The following TRPM2 variants were observed in gnomAD, a reference collection of about 807,000 sequenced individuals.
The protein encoded by TRPM2 is transient receptor potential cation channel subfamily M member 2, also known as estrogen-responsive element-associated gene 1 protein.
Under a neutral mutation model 174.0 loss-of-function variants are expected in TRPM2, and 161 were observed. The observed-to-expected ratio is 0.93, with a 90% CI of 0.81 to 1.05. The LOEUF (loss-of-function observed/expected upper bound fraction) is 1.05, where lower values mean the gene tolerates loss of function less well. TRPM2 is among the 50% of genes least tolerant of loss of function. The pLI is 0.00. For missense variants in TRPM2, 2,057 were observed against 2,038.0 expected, an observed-to-expected ratio of 1.01 and a Z score of -0.18; for synonymous variants, 954 against 861.3, an observed-to-expected ratio of 1.11 and a Z score of -1.88.
At position 44,391,667 on chromosome 21, in the gene TRPM2, G is replaced by A. The variant is rs748375685; in HGVS notation, c.1794+42G>A. 8.8e-6 allele frequency: 13 copies of A among 1,483,308 alleles called. No homozygotes were observed. In the South Asian group the frequency reaches 9.0e-5, roughly 10 times the overall value. 91.9% of individuals were successfully genotyped at this position (1,483,308 alleles called of 1,614,324 possible). On this transcript the variant is annotated intron_variant, in intron 11 of 31. Coordinates refer to ENST00000397928, the MANE Select transcript of TRPM2 (RefSeq NM_003307.4). The surrounding 1 kb of genome is among the most constrained non-coding windows in gnomAD (Gnocchi z 5.0). Reference sequence around the variant, plus strand: ...GGGCCCATCCTGGACTCGTCTTCGCGGGCTACTGCTATGTTCTTAGAGCTC... The same window carrying A: ...GGGCCCATCCTGGACTCGTCTTCGCAGGCTACTGCTATGTTCTTAGAGCTC...
At chr21:44,377,876 G>A (rs2048753722) in intron 7 of TRPM2, 103 bp downstream of exon 7, 1 of 1,315,026 alleles carries the variant, frequency 7.6e-7, no homozygotes, top group Non-Finnish European at 1.1e-6. Context: ...GTTGGCAAGA[G>A]GGCGATGAGC....
intron 14 of TRPM2, 26 bp from the exon 15 acceptor site, chr21:44,400,233 C>A: frequency 6.3e-7 from 1 of 1,597,984 alleles, no homozygotes; most frequent in Non-Finnish European, 8.6e-7. Flanking sequence ...TGGGCACTGC[C>A]ATCCTGAGAC....
At chr21:44,388,586 T>G (rs2049078371) in intron 9 of TRPM2, among the ~76,000 whole-genome samples, 1 of 144,398 alleles carries the variant, frequency 6.9e-6, no homozygotes, top group African/African-American at 2.5e-5. Flanking sequence ...CGCAGCACTT[T>G]GGGAGGCTGA....
chr21:44,406,067 C>T (rs372678880), intron 18 of TRPM2, 30 bp downstream of exon 18: 27 of 1,598,732 alleles, frequency 1.7e-5, no homozygotes, highest in Admixed American at 6.7e-5. Flanking sequence ...GGCTCCATCG[C>T]GGCCTGCAGC....
At chr21:44,402,249 C>T (rs746899707) in intron 16 of TRPM2, among the ~76,000 whole-genome samples, 1 of 152,140 alleles carries the variant, frequency 6.6e-6, no homozygotes, top group African/African-American at 2.4e-5. Context: ...ACCCCTCTCA[C>T]GTTCAATAAC....
intron 27 of TRPM2, among the ~76,000 whole-genome samples, chr21:44,431,511 C>T (rs2051021247): frequency 6.6e-6 from 1 of 152,070 alleles, no homozygotes; most frequent in African/African-American, 2.4e-5. Context: ...GCTCTGTACC[C>T]CAGGATGGAG....
At chr21:44,411,378 T>A (rs777021539) in intron 19 of TRPM2, among the ~76,000 whole-genome samples, 13 of 152,342 alleles carry the variant, frequency 8.5e-5, no homozygotes, top group African/African-American at 3.1e-4. Context: ...AATTGTCCTA[T>A]TGATTTCATT....
chr21:44,386,432 A>C (rs1016354046), intron 9 of TRPM2, among the ~76,000 whole-genome samples: 4 of 152,152 alleles, frequency 2.6e-5, no homozygotes, highest in Non-Finnish European at 4.4e-5. Context: ...AATCTGCTGC[A>C]TTTCTATACA....
chr21:44,395,267 G>T, intron 11 of TRPM2, 147 bp from the exon 12 acceptor site: 1 of 947,316 alleles, frequency 1.1e-6, no homozygotes, highest in Non-Finnish European at 1.5e-6. Flanking sequence ...CTAGGGTGTT[G>T]CTGAAAATGC....
In TRPM2 at chr21:44,391,738, C is replaced by A; in HGVS notation, c.1794+113C>A. On this transcript the variant is annotated intron_variant, in intron 11 of 31. Transcript: ENST00000397928. The surrounding 1 kb of genome is among the most constrained non-coding windows in gnomAD (Gnocchi z 5.0). Reference sequence around the variant, plus strand: ...TTATTTTTATTAGAAAAGACACATGCTCTATCTTAGGCTGCTTGGGCTGCT... The same window carrying A: ...TTATTTTTATTAGAAAAGACACATGATCTATCTTAGGCTGCTTGGGCTGCT... 1 of 1,051,968 alleles carries A rather than the reference C, an allele frequency of 9.5e-7. No individual in the cohort carries two copies. Among genetic ancestry groups the A allele is most frequent in the Non-Finnish European group, 1.3e-6 (1 of 750,816 alleles). 65.2% of individuals were successfully genotyped at this position (1,051,968 alleles called of 1,614,324 possible).
At chr21:44,353,518 G>A (rs1357454227), upstream of TRPM2, 9 of 780,944 alleles carry the variant, frequency 1.2e-5, no homozygotes, top group African/African-American at 1.1e-4. Context: ...GAAGAGAACC[G>A]GATGAGGGCT....
At chr21:44,414,417 T>C (rs2050210273) in intron 20 of TRPM2, among the ~76,000 whole-genome samples, 1 of 152,212 alleles carries the variant, frequency 6.6e-6, no homozygotes, top group Non-Finnish European at 1.5e-5. Flanking sequence ...TCGTTCCTTC[T>C]GCGCAGGCGC....
Position 44,439,911 on chromosome 21 carries a change from C to G in TRPM2, c.4269+743C>G, listed in dbSNP as rs1489539285. Among the ~76,000 whole-genome samples, 1 of 151,986 alleles carries G rather than the reference C, an allele frequency of 6.6e-6. No individual in the cohort carries two copies. Among genetic ancestry groups the G allele is most frequent in the Non-Finnish European group, 1.5e-5 (1 of 67,986 alleles). The stretch of plus-strand genomic sequence containing the variant: ...TAATATTTTGTATTTTTAGTAGAGA[C>G]AGGGTTTGGCCATGTTGCCCAGGCT... On this transcript the variant is annotated intron_variant, in intron 30 of 31. Transcript: ENST00000397928. The surrounding 1 kb of genome is among the most constrained non-coding windows in gnomAD (Gnocchi z 5.1).
intron 31 of TRPM2, 97 bp from the exon 32 acceptor site, chr21:44,441,595 G>C (rs1385186532): frequency 2.1e-6 from 3 of 1,427,554 alleles, no homozygotes; most frequent in Non-Finnish European, 1.8e-6. Context: ...AAGGGAGGGT[G>C]TGCAGGCCCC....
In TRPM2 at chr21:44,382,799, A is replaced by G. The variant is rs573587457; in HGVS notation, c.1297A>G (p.Ile433Val). 6.2e-7 allele frequency: 1 copy of G among 1,613,722 alleles called. No individual in the cohort carries two copies. The highest frequency in any genetic ancestry group is 1.1e-5 in the South Asian group (1 of 90,952). ...KDGQQDVDVA[I>V]LQALLKASRS... ...TGGTCAGCAGGACGTGGATGTGGCC[A>G]TCTTGCAGGCCTTGCTGAAAGGTGA... The change falls in exon 9 of 32, where the codon ATC becomes GTC. Residue 433 changes from isoleucine (I) to valine (V), a missense_variant. Ile to Val is a conservative substitution (Grantham distance 29). Coordinates refer to ENST00000397928, the MANE Select transcript of TRPM2 (RefSeq NM_003307.4).
rs1400753289 is a variant in TRPM2, at chr21:44,417,791, C to T, written c.3147-136C>T. The T allele has an allele frequency of 2.3e-5, 20 of 883,728 alleles. No individual in the cohort carries two copies. In the South Asian group the frequency reaches 2.3e-4, roughly 10 times the overall value. The allele number at this position is 883,728 out of a possible 1,614,324, so 54.7% of individuals were successfully genotyped here. On this transcript the variant is annotated intron_variant, in intron 20 of 31. Coordinates refer to ENST00000397928, the MANE Select transcript of TRPM2 (RefSeq NM_003307.4). ...CAGTGGGCATGTGGGTGTGGCTCTGCTCTCTGTGGCATCACAGTGGGCATG... is the reference window on the plus strand; with the variant it reads ...CAGTGGGCATGTGGGTGTGGCTCTGTTCTCTGTGGCATCACAGTGGGCATG...
At chr21:44,424,980 T>C in intron 24 of TRPM2, 41 bp downstream of exon 24, 2 of 1,540,118 alleles carry the variant, frequency 1.3e-6, no homozygotes, top group Non-Finnish European at 1.8e-6. Context: ...TCCAGCCGCC[T>C]GTTTCTTTTG....
chr21:44,378,821 C>T (rs1369508160), intron 7 of TRPM2, among the ~76,000 whole-genome samples, 176 bp from the exon 8 acceptor site: 1 of 152,212 alleles, frequency 6.6e-6, no homozygotes, highest in Admixed American at 6.5e-5. Flanking sequence ...TGTGTTGGGG[C>T]AGCTCCCTCT....
In TRPM2 at chr21:44,438,613, A is replaced by G. The variant is rs1219477936; in HGVS notation, c.4168-454A>G. ...GTCCCTGAGTCAGGTGGCGCTCGGG[A>G]GCGTCTGGGAGCCCAGCCAGCCGCA... is the stretch of plus-strand genomic sequence containing the variant. On this transcript the variant is annotated intron_variant, in intron 29 of 31. Transcript: ENST00000397928. This position sits in a 1 kb window ranked among gnomAD's most constrained non-coding sequence, Gnocchi z 5.9. Among the ~76,000 whole-genome samples the G allele has an allele frequency of 6.6e-6, 1 of 151,934 alleles. No individual in the cohort carries two copies. The highest frequency in any genetic ancestry group is 2.4e-5 in the African/African-American group (1 of 41,322).
Sources: gnomAD v4.1 joint callset for allele counts (sites outside exome capture counted in the v4.1 genomes callset) on GRCh38, gnomAD v4.1.1 for gene constraint, Gnocchi (gnomAD v3.1) non-coding constraint, MANE v1.5 for transcripts, NCBI Gene and HGNC (gene_info 2026-07-23, HGNC 2026-07-21) for gene names.